LSAMP: variants seen among roughly 807,000 people sequenced by gnomAD.
The protein encoded by LSAMP is limbic system associated membrane protein.
LSAMP carries 7 observed loss-of-function variants against 38.6 expected under a neutral mutation model. The ratio of observed to expected loss-of-function variants is 0.18; its 90% CI spans 0.10 to 0.34. LSAMP has a LOEUF of 0.34. Ranked by LOEUF, LSAMP falls within the 10% of genes least tolerant of loss-of-function variation. The pLI is 1.00. For synonymous variants in LSAMP, 154 were observed against 166.8 expected (o/e 0.92, Z 0.59); for missense variants, 313 against 420.0 (o/e 0.75, Z 2.23).
intron 1 of LSAMP, 72 bp downstream of exon 1, chr3:116,444,805 C>A (rs866657839): frequency 7.8e-6 from 11 of 1,401,426 alleles, no homozygotes; most frequent in Admixed American, 4.1e-5. Context: ...CACACACACA[C>A]ACACAAACAC....
intron 4 of LSAMP, among the ~76,000 whole-genome samples, chr3:115,848,823 G>C (rs372054862): frequency 6.6e-6 from 1 of 152,198 alleles, no homozygotes; most frequent in Non-Finnish European, 1.5e-5. Context: ...TCAATGGGGC[G>C]GGGACAGGCT....
intron 1 of LSAMP, among the ~76,000 whole-genome samples, chr3:116,311,196 G>T (rs1035210095): frequency 6.6e-6 from 1 of 151,992 alleles, no homozygotes; most frequent in Non-Finnish European, 1.5e-5. Context: ...ACCTCAAACA[G>T]CCATTCTCAA....
At chr3:116,128,566 A>T (rs1168302242) in intron 1 of LSAMP, among the ~76,000 whole-genome samples, 1 of 152,220 alleles carries the variant, frequency 6.6e-6, no homozygotes, top group Non-Finnish European at 1.5e-5. Context: ...TATGCATCAC[A>T]TGATAGAATG....
At chr3:116,278,013 T>A (rs2047077644) in intron 1 of LSAMP, among the ~76,000 whole-genome samples, 1 of 152,212 alleles carries the variant, frequency 6.6e-6, no homozygotes, top group Non-Finnish European at 1.5e-5. Context: ...CTGATGAAAC[T>A]GCACATTTAG....
chr3:116,388,463 C>A (rs1367847224), intron 1 of LSAMP, among the ~76,000 whole-genome samples: 1 of 152,120 alleles, frequency 6.6e-6, no homozygotes, highest in Non-Finnish European at 1.5e-5. Flanking sequence ...AACTAAAGGA[C>A]CTTTCTAATT....
chr3:115,812,729 A>G (rs1351168602), intron 6 of LSAMP, among the ~76,000 whole-genome samples: 1 of 152,238 alleles, frequency 6.6e-6, no homozygotes, highest in Non-Finnish European at 1.5e-5. Flanking sequence ...TGCACCAGAG[A>G]TAGTGTAAAA....
chr3:116,438,513 C>T (rs2049386933), intron 1 of LSAMP, among the ~76,000 whole-genome samples: 1 of 152,112 alleles, frequency 6.6e-6, no homozygotes, highest in Non-Finnish European at 1.5e-5. Flanking sequence ...ATAGGCTTTT[C>T]TATAAGTTTC....
intron 1 of LSAMP, among the ~76,000 whole-genome samples, chr3:116,327,953 T>A (rs778225408): frequency 6.6e-6 from 1 of 152,098 alleles, no homozygotes; most frequent in Non-Finnish European, 1.5e-5. Context: ...TGTGATCAAG[T>A]TCTGACATTT....
intron 3 of LSAMP, among the ~76,000 whole-genome samples, chr3:115,954,998 A>G (rs1938408921): frequency 6.7e-6 from 1 of 149,808 alleles, no homozygotes; most frequent in Non-Finnish European, 1.5e-5. Flanking sequence ...CCTGTCACCC[A>G]GGCTGGAGTG....
At chr3:116,318,160 A>G (rs1227866853) in intron 1 of LSAMP, among the ~76,000 whole-genome samples, 4 of 141,920 alleles carry the variant, frequency 2.8e-5, no homozygotes, top group Non-Finnish European at 6.2e-5. Flanking sequence ...AAAAAATTTT[A>G]GTAATACAAC....
chr3:116,426,992 A>AT (rs1366200048), intron 1 of LSAMP, among the ~76,000 whole-genome samples: 1 of 151,018 alleles, frequency 6.6e-6, no homozygotes, highest in Non-Finnish European at 1.5e-5. Context: ...TATTCTATTT[A>AT]TTGTGTCCTC....
chr3:116,041,621 C>T (rs1004598227), intron 2 of LSAMP, among the ~76,000 whole-genome samples: 1 of 151,370 alleles, frequency 6.6e-6, no homozygotes, highest in Non-Finnish European at 1.5e-5. Context: ...TTGATCGTGC[C>T]ATAGAGATGT....
intron 3 of LSAMP, among the ~76,000 whole-genome samples, chr3:115,878,148 T>G (rs1029148980): frequency 1.3e-5 from 2 of 151,976 alleles, no homozygotes; most frequent in African/African-American, 4.8e-5. Context: ...AATGTGGTAA[T>G]CAGAACTCAG....
intron 1 of LSAMP, among the ~76,000 whole-genome samples, chr3:116,313,151 G>T (rs1033491669): frequency 6.6e-6 from 1 of 152,030 alleles, no homozygotes; most frequent in Non-Finnish European, 1.5e-5. Flanking sequence ...AACCCATGAA[G>T]GCCTGGTTAT....
chr3:116,318,069 G>A (rs1272277880), intron 1 of LSAMP, among the ~76,000 whole-genome samples: 1 of 148,546 alleles, frequency 6.7e-6, no homozygotes. Context: ...CCTGGAGGCG[G>A]AGGTTGCAGT....
intron 1 of LSAMP, among the ~76,000 whole-genome samples, chr3:116,315,954 T>A (rs972278299): frequency 7.2e-5 from 11 of 152,208 alleles, no homozygotes; most frequent in Non-Finnish European, 1.0e-4. Context: ...GAAAAAAAGT[T>A]ATTGAATTCA....
intron 1 of LSAMP, among the ~76,000 whole-genome samples, chr3:116,352,718 G>T (rs183799672): frequency 2.3e-4 from 35 of 152,108 alleles, no homozygotes; most frequent in Non-Finnish European, 4.7e-4. Context: ...AGTTTTTCTT[G>T]TAACTAATTA....
chr3:116,272,785 A>G (rs2046991891), intron 1 of LSAMP, among the ~76,000 whole-genome samples: 1 of 152,178 alleles, frequency 6.6e-6, no homozygotes, highest in Non-Finnish European at 1.5e-5. Context: ...AGTGGCAGAA[A>G]AGACTATTCT....
intron 3 of LSAMP, among the ~76,000 whole-genome samples, chr3:115,975,819 C>G (rs1453620588): frequency 2.0e-5 from 3 of 152,136 alleles, no homozygotes; most frequent in Non-Finnish European, 2.9e-5. Context: ...TGAGATCCAT[C>G]CTATCATTTC....
Sources: gnomAD v4.1 joint callset for allele counts (sites outside exome capture counted in the v4.1 genomes callset) on GRCh38, gnomAD v4.1.1 for gene constraint, MANE v1.5 for transcripts, NCBI Gene and HGNC (gene_info 2026-07-23, HGNC 2026-07-21) for gene names.